Variants in CERS6 observed in about 807,000 individuals in gnomAD.
The protein encoded by CERS6 is ceramide synthase 6.
A neutral mutation model predicts 56.8 loss-of-function variants in CERS6; 26 were observed. The ratio of observed to expected loss-of-function variants is 0.46; its 90% confidence interval spans 0.34 to 0.63. CERS6 has a LOEUF of 0.63. Ranked by LOEUF, CERS6 falls within the 30% of genes least tolerant of loss-of-function variation. The pLI, the probability that CERS6 is intolerant of heterozygous loss-of-function variation, is 0.01. For missense variants in CERS6, 415 were observed against 467.5 expected (o/e 0.89, Z 1.04); for synonymous variants, 164 against 173.3 (o/e 0.95, Z 0.42).
chr2:168,558,383 TG>T, intron 2 of CERS6, among the ~76,000 whole-genome samples: 1 of 152,184 alleles, frequency 6.6e-6, no homozygotes, highest in Admixed American at 6.5e-5. Context: ...AAGTAAATTA[TG>T]GTATATCTTT....
Position 168,498,848 on chromosome 2 carries a change from C to T in CERS6, c.170+42230C>T, listed in dbSNP as rs900534615. The stretch of plus-strand genomic sequence containing the variant: ...TGAAAGGGCTGGTTTCTATTTAGCC[C>T]GTAGGGAGGGAAGAAAGCCTAATTG... On this transcript the variant is annotated intron_variant, in intron 1 of 9. Coordinates refer to ENST00000305747, the MANE Select transcript of CERS6 (RefSeq NM_203463.3). Among the ~76,000 whole-genome samples the T allele has an allele frequency of 1.6e-4, 25 of 151,940 alleles. 1 individual carries two copies. Among genetic ancestry groups the T allele is most frequent in the Admixed American group, 5.9e-4 (9 of 15,246 alleles).
chr2:168,580,913 T>A (rs973260659), intron 3 of CERS6, among the ~76,000 whole-genome samples: 1 of 152,194 alleles, frequency 6.6e-6, no homozygotes, highest in Non-Finnish European at 1.5e-5. Flanking sequence ...CCTGTAGGCT[T>A]CAAGATTTTC....
chr2:168,486,627 A>G (rs558796989), intron 1 of CERS6, among the ~76,000 whole-genome samples: 2 of 152,048 alleles, frequency 1.3e-5, no homozygotes, highest in East Asian at 3.9e-4. Flanking sequence ...GTCAAAGATC[A>G]GTTGACTGTA....
At chr2:168,706,637 T>G (rs1686947725) in intron 6 of CERS6, among the ~76,000 whole-genome samples, 3 of 152,218 alleles carry the variant, frequency 2.0e-5, no homozygotes, top group Admixed American at 2.0e-4. Flanking sequence ...TCTTTATAGT[T>G]TATCTGAATT....
chr2:168,601,053 G>A (rs1368612822), intron 3 of CERS6, among the ~76,000 whole-genome samples: 4 of 152,156 alleles, frequency 2.6e-5, no homozygotes, highest in Non-Finnish European at 5.9e-5. Context: ...AGGCTTCTCT[G>A]TCAGTTTCCT....
chr2:168,599,405 G>C (rs936141483), intron 3 of CERS6, among the ~76,000 whole-genome samples: 2 of 152,126 alleles, frequency 1.3e-5, no homozygotes, highest in Non-Finnish European at 2.9e-5. Flanking sequence ...TATCCTTTCT[G>C]TATTTTTCTA....
At chr2:168,682,682 T>TG (rs763275946) in intron 4 of CERS6, among the ~76,000 whole-genome samples, 3 of 151,996 alleles carry the variant, frequency 2.0e-5, no homozygotes, top group Non-Finnish European at 4.4e-5. Context: ...ACTCTCACAA[T>TG]GGGGGGTGGG....
chr2:168,606,616 T>C (rs1290291735), intron 3 of CERS6: 1 of 152,220 alleles, frequency 6.6e-6, no homozygotes, highest in Admixed American at 6.5e-5. Context: ...GGGGGACTGT[T>C]GGGAAGGTAT....
chr2:168,582,584 A>AG (rs1424291156), intron 3 of CERS6, among the ~76,000 whole-genome samples: 1 of 152,210 alleles, frequency 6.6e-6, no homozygotes, highest in Non-Finnish European at 1.5e-5. Context: ...TGAAAAAAAA[A>AG]CGCGTGCTAT....
intron 4 of CERS6, among the ~76,000 whole-genome samples, chr2:168,666,929 A>T (rs1369181448): frequency 6.6e-6 from 1 of 152,190 alleles, no homozygotes; most frequent in Non-Finnish European, 1.5e-5. Flanking sequence ...AATATTAATA[A>T]TGCATATCTT....
At chr2:168,696,074 C>A (rs145897430) in intron 6 of CERS6, among the ~76,000 whole-genome samples, 8 of 152,284 alleles carry the variant, frequency 5.3e-5, no homozygotes, top group African/African-American at 1.9e-4. Context: ...CAGTTCTAAT[C>A]CCAAGCATTT....
At chr2:168,555,082 T>C (rs114491362) in intron 2 of CERS6, among the ~76,000 whole-genome samples, 1 of 152,048 alleles carries the variant, frequency 6.6e-6, no homozygotes, top group Non-Finnish European at 1.5e-5. Flanking sequence ...AGGGGGTACA[T>C]TTATAATCCT....
chr2:168,637,808 A>G lies in CERS6; in HGVS notation c.465+6766A>G, dbSNP rs903584873. Among the ~76,000 whole-genome samples the G allele has an allele frequency of 7.9e-5, 12 of 152,262 alleles. No homozygotes were observed. In the East Asian group the frequency reaches 2.3e-3, roughly 29 times the overall value. On this transcript the variant is annotated intron_variant, in intron 4 of 9. Coordinates refer to ENST00000305747, the MANE Select transcript of CERS6 (RefSeq NM_203463.3). Reference sequence around the variant, plus strand: ...GTGGTAGTAATGTAATGGATAAATCACAGCAGTAGGTAAAAATGAAGACTC... The same window carrying G: ...GTGGTAGTAATGTAATGGATAAATCGCAGCAGTAGGTAAAAATGAAGACTC...
chr2:168,600,212 T>TCTCTCTCTC (rs1559015214), intron 3 of CERS6, among the ~76,000 whole-genome samples: 4 of 15,916 alleles, frequency 2.5e-4, no homozygotes, highest in Admixed American at 1.3e-3. Flanking sequence ...CTCTCTCTCT[T>TCTCTCTCTC]TTTTTTTTTT....
chr2:168,638,718 G>T (rs1684920013), intron 4 of CERS6, among the ~76,000 whole-genome samples: 1 of 152,126 alleles, frequency 6.6e-6, no homozygotes, highest in African/African-American at 2.4e-5. Flanking sequence ...AAAATTTTCT[G>T]TAAAGAGCAT....
chr2:168,563,267 C>G (rs1272960811), intron 3 of CERS6, among the ~76,000 whole-genome samples: 2 of 152,120 alleles, frequency 1.3e-5, no homozygotes, highest in Non-Finnish European at 2.9e-5. Flanking sequence ...TATCTCTTCT[C>G]CATGAATTCA....
chr2:168,719,255 T>C (rs1034178872), intron 8 of CERS6, among the ~76,000 whole-genome samples: 2 of 152,172 alleles, frequency 1.3e-5, no homozygotes, highest in Admixed American at 6.5e-5. Flanking sequence ...GGGTATGGGG[T>C]GGGGGAGGCC....
intron 4 of CERS6, among the ~76,000 whole-genome samples, chr2:168,684,091 T>TA (rs571967253): frequency 1.6e-3 from 249 of 152,300 alleles, no homozygotes; most frequent in African/African-American, 5.9e-3. Flanking sequence ...CAGAATGTGG[T>TA]AAAGGCACAT....
intron 1 of CERS6, among the ~76,000 whole-genome samples, chr2:168,517,104 G>T (rs1442263244): frequency 6.6e-6 from 1 of 151,966 alleles, no homozygotes; most frequent in Non-Finnish European, 1.5e-5. Context: ...GAGCCCAAAT[G>T]GACCAGAACT....
Sources: allele counts gnomAD v4.1 joint callset (sites outside exome capture counted in the v4.1 genomes callset), GRCh38; gene constraint gnomAD v4.1.1; transcripts MANE v1.5; gene names NCBI Gene and HGNC (gene_info 2026-07-23, HGNC 2026-07-21).